Variants in MLYCD observed in about 807,000 individuals in gnomAD.
MLYCD encodes malonyl-CoA decarboxylase, mitochondrial.
Under a neutral mutation model 35.8 loss-of-function variants are expected in MLYCD, and 27 were observed. That is an observed-to-expected ratio of 0.75 (90% confidence interval 0.56 to 1.04). The LOEUF (loss-of-function observed/expected upper bound fraction) is 1.04, where lower values mean the gene tolerates loss of function less well. Among genes scored for constraint, MLYCD ranks in the 50% least tolerant of loss-of-function variants. The probability of loss-of-function intolerance (pLI) is 0.00; values close to 1 mark genes in which losing one functional copy is unlikely to be tolerated. For missense variants in MLYCD, 917 were observed against 665.1 expected (o/e 1.38, Z -4.17); for synonymous variants, 403 against 302.4 (o/e 1.33, Z -3.45).
chr16:83,899,711 G>A (rs1273601975), intron 1 of MLYCD, 39 bp downstream of exon 1: 4 of 1,484,094 alleles, frequency 2.7e-6, no homozygotes, highest in Non-Finnish European at 2.7e-6. Context: ...GCGCGGACTG[G>A]CCGCCCTCCT....
intron 4 of MLYCD, 56 bp from the exon 5 acceptor site, chr16:83,914,900 A>C (rs1038703288): frequency 6.2e-7 from 1 of 1,612,572 alleles, no homozygotes; most frequent in Non-Finnish European, 8.5e-7. Context: ...TTGGTAACGT[A>C]CCTGCTGAAT....
chr16:83,906,898 G>C lies in MLYCD; in HGVS notation c.529-89G>C. 7 of 1,077,940 alleles carry C rather than the reference G, an allele frequency of 6.5e-6. No homozygotes were observed. In the Admixed American group the frequency reaches 1.2e-4, roughly 18 times the overall value. 66.8% of individuals were successfully genotyped at this position (1,077,940 alleles called of 1,614,324 possible). On this transcript the variant is annotated intron_variant, in intron 1 of 4. Transcript: ENST00000262430. ...CAATTGTCTTATGTATCGTGCTTGA[G>C]TGTTTTCATTCCTTGTGCTGACCAC...
At position 83,917,227 on chromosome 16, in the gene MLYCD, A is replaced by C. The variant is rs1289246536; in HGVS notation, c.*1738A>C. On this transcript the variant is annotated 3_prime_UTR_variant, in exon 5 of 5. Coordinates refer to ENST00000262430, the MANE Select transcript of MLYCD (RefSeq NM_012213.3). ...TGTGTGCACGAGCGTCTCTGTGTGG[A>C]TCAGTGCACGTCTGTGTGCGTGTGC... 1 of 110,498 alleles carries C rather than the reference A, an allele frequency of 9.0e-6. No homozygotes were observed. The highest frequency in any genetic ancestry group is 9.4e-5 in the Admixed American group (1 of 10,590). 6.8% of individuals were successfully genotyped at this position (110,498 alleles called of 1,614,324 possible).
intron 4 of MLYCD, chr16:83,912,834 C>T (rs1907228963): frequency 3.7e-6 from 1 of 266,908 alleles, no homozygotes; most frequent in Non-Finnish European, 7.4e-6. Flanking sequence ...TTCTCATGGC[C>T]TGTGAGGGAG....
chr16:83,906,739 T>C (rs1005460783), intron 1 of MLYCD, among the ~76,000 whole-genome samples: 2 of 140,762 alleles, frequency 1.4e-5, no homozygotes, highest in African/African-American at 2.9e-5. Flanking sequence ...TTGAATTGTT[T>C]CCTTCAGAGG....
intron 3 of MLYCD, 147 bp from the exon 4 acceptor site, chr16:83,912,071 C>T (rs1279840795): frequency 2.6e-6 from 3 of 1,175,094 alleles, no homozygotes; most frequent in African/African-American, 1.5e-5. Context: ...CTTTTAGGCT[C>T]TGTAGCCTGA....
Position 83,916,704 on chromosome 16 carries a change from CTG to C in MLYCD, c.*1221_*1222del, listed in dbSNP as rs1411959469. 5.9e-4 allele frequency: 77 copies of C among 130,004 alleles called. No homozygotes were observed. Among genetic ancestry groups the C allele is most frequent in the African/African-American group, 2.0e-3 (68 of 33,588 alleles). The allele number at this position is 130,004 out of a possible 1,614,324, so 8.1% of individuals were successfully genotyped here. A position where few individuals can be genotyped will look rare whatever the true frequency, so the allele number is the denominator to read the frequency against. ...TCTGTGTGCGTGTGCACGAGCGTCT[CTG>C]TGTGTATCAGTGCACGTCTGTGTGC... On this transcript the variant is annotated 3_prime_UTR_variant, in exon 5 of 5. Coordinates refer to ENST00000262430, the MANE Select transcript of MLYCD (RefSeq NM_012213.3).
rs1906689688 is a variant in MLYCD at position 83,899,326 on chromosome 16, C to A, written c.182C>A (p.Pro61Gln). ...TPAYELREKTPAPAEGQCADF... is the reference protein window; with the variant it reads ...TPAYELREKTQAPAEGQCADF... ...GCCTACGAGCTGCGCGAGAAGACAC[C>A]GGCGCCCGCCGAGGGTCAGTGCGCG... The change falls in exon 1 of 5, where the codon CCG (proline) becomes CAG (glutamine). Residue 61 changes from proline to glutamine, a missense_variant. Coordinates refer to ENST00000262430, the MANE Select transcript of MLYCD (RefSeq NM_012213.3). 2 of 1,501,888 alleles carry A rather than the reference C, an allele frequency of 1.3e-6. No homozygotes were observed. Among genetic ancestry groups the A allele is most frequent in the African/African-American group, 2.9e-5 (2 of 68,926 alleles). 93.0% of individuals were successfully genotyped at this position (1,501,888 alleles called of 1,614,324 possible).
chr16:83,912,554 G>T (rs1907218384), intron 4 of MLYCD, 187 bp downstream of exon 4: 2 of 737,342 alleles, frequency 2.7e-6, no homozygotes, highest in Non-Finnish European at 4.5e-6. Context: ...CCAGAGAGAT[G>T]AGAATGATGC....
In MLYCD at chr16:83,908,268, T is replaced by G. The variant is rs1284087492; in HGVS notation, c.784T>G (p.Ser262Ala). 6.2e-7 allele frequency: 1 copy of G among 1,614,156 alleles called. No individual in the cohort carries two copies. The highest frequency in any genetic ancestry group is 8.5e-7 in the Non-Finnish European group (1 of 1,180,024). The stretch of plus-strand genomic sequence containing the variant: ...GCACGTGGCACTGACTGGTGACATC[T>G]CCAGCAACATCCAGGTACCTGCGAT... ...VLHVALTGDI[S>A]SNIQAIVKEH... The change falls in exon 3 of 5, where the codon TCC becomes GCC. Residue 262 changes from serine to alanine, a missense_variant. By Grantham distance (99) the Ser-to-Ala change is moderately conservative. Coordinates refer to ENST00000262430, the MANE Select transcript of MLYCD (RefSeq NM_012213.3).
In MLYCD at chr16:83,925,737, T is replaced by TG. The variant is rs1207253387; in HGVS notation, c.*10249dup. On this transcript the variant is annotated 3_prime_UTR_variant, in exon 5 of 5. Transcript: ENST00000262430. ...TCCTCCCTCCTTCCTGCGTGGCACA[T>TG]GCTCCTCCCTCTTCTTGAAACGCTC... is the stretch of plus-strand genomic sequence containing the variant. The TG allele has an allele frequency of 6.5e-6, 1 of 152,768 alleles. No homozygotes were observed. The highest frequency in any genetic ancestry group is 1.5e-5 in the Non-Finnish European group (1 of 68,396). The allele number at this position is 152,768 out of a possible 1,614,324, so 9.5% of individuals were successfully genotyped here.
intron 1 of MLYCD, among the ~76,000 whole-genome samples, chr16:83,904,131 C>G (rs1454732624): frequency 2.6e-5 from 4 of 152,124 alleles, no homozygotes; most frequent in African/African-American, 9.7e-5. Context: ...ATCAGCCAAA[C>G]CATTTCTTTC....
intron 3 of MLYCD, among the ~76,000 whole-genome samples, chr16:83,909,970 G>A (rs1907116063): frequency 6.6e-6 from 1 of 152,020 alleles, no homozygotes; most frequent in Non-Finnish European, 1.5e-5. Flanking sequence ...CGAGGCTTGA[G>A]GGAACGTCCG....
intron 1 of MLYCD, among the ~76,000 whole-genome samples, chr16:83,905,864 G>A (rs1906955043): frequency 6.6e-6 from 1 of 152,236 alleles, no homozygotes; most frequent in African/African-American, 2.4e-5. Flanking sequence ...CTGTGGCTGT[G>A]CAGGCAGCAC....
In MLYCD at chr16:83,916,177, A is replaced by G; in HGVS notation, c.*688A>G. 3.0e-6 allele frequency: 3 copies of G among 989,884 alleles called. No individual in the cohort carries two copies. Among genetic ancestry groups the G allele is most frequent in the Non-Finnish European group, 3.6e-6 (3 of 831,600 alleles). The allele number at this position is 989,884 out of a possible 1,614,324, so 61.3% of individuals were successfully genotyped here. A position where few individuals can be genotyped will look rare whatever the true frequency, so the allele number is the denominator to read the frequency against. Reference sequence around the variant, plus strand: ...AAAGAACACGTTTGTTCTGTAAAGCATTGAACATCTGATTGTGTAGTGGTG... The same window carrying G: ...AAAGAACACGTTTGTTCTGTAAAGCGTTGAACATCTGATTGTGTAGTGGTG... On this transcript the variant is annotated 3_prime_UTR_variant, in exon 5 of 5. Coordinates refer to ENST00000262430, the MANE Select transcript of MLYCD (RefSeq NM_012213.3).
chr16:83,915,042 A>G lies in MLYCD; in HGVS notation c.1035A>G (p.Gln345=), dbSNP rs1263458585. The G allele has an allele frequency of 1.2e-6, 2 of 1,614,236 alleles. No homozygotes were observed. Among genetic ancestry groups the G allele is most frequent in the Non-Finnish European group, 1.7e-6 (2 of 1,180,054 alleles). The change falls in exon 5 of 5, where the codon CAA becomes CAG. Residue 345 remains glutamine (Q), a synonymous_variant. Coordinates refer to ENST00000262430, the MANE Select transcript of MLYCD (RefSeq NM_012213.3). ...GGCTTCTGGGGCTTCTGAACTCGCAAACGAAGGAGCATGGGAGGAATGAAC... is the reference window on the plus strand; with the variant it reads ...GGCTTCTGGGGCTTCTGAACTCGCAGACGAAGGAGCATGGGAGGAATGAAC... The part of the protein sequence containing the change: ...TKWLLGLLNS[Q]TKEHGRNELF...
rs1411489150 is a variant in MLYCD at position 83,923,390 on chromosome 16, G to C, written c.*7901G>C. On this transcript the variant is annotated 3_prime_UTR_variant, in exon 5 of 5. Coordinates refer to ENST00000262430, the MANE Select transcript of MLYCD (RefSeq NM_012213.3). ...ACTCTTAGAAACAAAAGCTGCCCAT[G>C]ATTTCACCACAGAAAGTCTGCCTCA... 6.6e-6 allele frequency: 1 copy of C among 152,238 alleles called. No individual in the cohort carries two copies. Among genetic ancestry groups the C allele is most frequent in the Non-Finnish European group, 1.5e-5 (1 of 68,044 alleles). 9.4% of individuals were successfully genotyped at this position (152,238 alleles called of 1,614,324 possible).
intron 3 of MLYCD, 83 bp from the exon 4 acceptor site, chr16:83,912,135 G>T: frequency 1.3e-6 from 2 of 1,585,236 alleles, no homozygotes; most frequent in Admixed American, 1.7e-5. Flanking sequence ...TCTGAGAATT[G>T]TCTTCTCGTC....
chr16:83,908,313 G>C, intron 3 of MLYCD, 31 bp downstream of exon 3: 2 of 1,612,542 alleles, frequency 1.2e-6, no homozygotes, highest in Non-Finnish European at 1.7e-6. Flanking sequence ...GGGACAAGAT[G>C]GGCACCCCAT....
Sources: gnomAD v4.1 joint callset for allele counts (sites outside exome capture counted in the v4.1 genomes callset) on GRCh38, gnomAD v4.1.1 for gene constraint, MANE v1.5 for transcripts, NCBI Gene and HGNC (gene_info 2026-07-23, HGNC 2026-07-21) for gene names.